Variants in SHISA9 observed in about 807,000 individuals in gnomAD.
SHISA9 encodes the protein shisa family member 9, also known as protein shisa-9.
A neutral mutation model predicts 38.0 loss-of-function variants in SHISA9; 13 were observed. The observed-to-expected ratio is 0.34, with a 90% CI of 0.22 to 0.54. The LOEUF (loss-of-function observed/expected upper bound fraction) is 0.54, where lower values mean the gene tolerates loss of function less well. Among genes scored for constraint, SHISA9 ranks in the 20% least tolerant of loss-of-function variants. The pLI is 0.91. For missense variants in SHISA9, 538 were observed against 575.8 expected, an observed-to-expected ratio of 0.93 and a Z score of 0.67; for synonymous variants, 275 against 242.0, an observed-to-expected ratio of 1.14 and a Z score of -1.27.
At chr16:12,996,295 A>G (rs1409886225) in intron 2 of SHISA9, among the ~76,000 whole-genome samples, 1 of 152,206 alleles carries the variant, frequency 6.6e-6, no homozygotes, top group Non-Finnish European at 1.5e-5. Context: ...CTTCTCTTGA[A>G]GAAAAAAAAT....
At chr16:13,519,514 T>C in the SHISA9 span, among the ~76,000 whole-genome samples, 44 of 152,232 alleles carry the variant, frequency 2.9e-4, no homozygotes, top group Admixed American at 5.2e-4. Flanking sequence ...ACCATGTCTT[T>C]ATAAATTGTA....
chr16:13,285,295 G>C, the SHISA9 span, among the ~76,000 whole-genome samples: 9 of 152,032 alleles, frequency 5.9e-5, no homozygotes, highest in Admixed American at 5.2e-4. Context: ...CATACAGTTA[G>C]ATTCATTCCA....
chr16:13,113,903 G>A (rs2074004012), intron 2 of SHISA9, among the ~76,000 whole-genome samples: 1 of 152,118 alleles, frequency 6.6e-6, no homozygotes, highest in African/African-American at 2.4e-5. Context: ...GGCTGGCAGG[G>A]GTCACTGCCT....
intron 2 of SHISA9, among the ~76,000 whole-genome samples, chr16:13,043,604 C>T (rs996047963): frequency 2.0e-5 from 3 of 152,210 alleles, no homozygotes; most frequent in African/African-American, 7.2e-5. Flanking sequence ...CATCTCTACT[C>T]CTGCGGTGGG....
At chr16:13,168,563 C>T (rs1182923711) in intron 2 of SHISA9, among the ~76,000 whole-genome samples, 1 of 152,198 alleles carries the variant, frequency 6.6e-6, no homozygotes, top group Admixed American at 6.5e-5. Flanking sequence ...AGCCTTGTCT[C>T]TCTACTACAC....
chr16:13,045,908 C>G (rs1029443356), intron 2 of SHISA9, among the ~76,000 whole-genome samples: 1 of 152,198 alleles, frequency 6.6e-6, no homozygotes, highest in African/African-American at 2.4e-5. Flanking sequence ...CCTATTAAGT[C>G]AGACCTTTTG....
chr16:13,040,601 T>C (rs1023643463), intron 2 of SHISA9, among the ~76,000 whole-genome samples: 1 of 152,236 alleles, frequency 6.6e-6, no homozygotes, highest in Non-Finnish European at 1.5e-5. Context: ...GAATGTAAAC[T>C]TCAAGAGAGC....
At chr16:13,309,413 T>G in the SHISA9 span, among the ~76,000 whole-genome samples, 1 of 151,876 alleles carries the variant, frequency 6.6e-6, no homozygotes, top group African/African-American at 2.4e-5. Context: ...GAGGCCGAGG[T>G]GGGTAGATCA....
At chr16:13,345,011 C>T in the SHISA9 span, among the ~76,000 whole-genome samples, 3 of 152,234 alleles carry the variant, frequency 2.0e-5, no homozygotes, top group African/African-American at 7.2e-5. Context: ...GAGAGGGAGG[C>T]CAACCCAGAG....
At chr16:13,021,792 A>G (rs2072857827) in intron 2 of SHISA9, among the ~76,000 whole-genome samples, 1 of 152,206 alleles carries the variant, frequency 6.6e-6, no homozygotes, top group Non-Finnish European at 1.5e-5. Flanking sequence ...CACTATTATA[A>G]TAGTCTATTT....
At chr16:13,554,516 C>CTTT in the SHISA9 span, among the ~76,000 whole-genome samples, 6 of 132,104 alleles carry the variant, frequency 4.5e-5, no homozygotes, top group African/African-American at 1.4e-4. Flanking sequence ...TCTTCTCTTT[C>CTTT]TTTTTTTTTT....
At chr16:13,042,671 G>A (rs2073145720) in intron 2 of SHISA9, among the ~76,000 whole-genome samples, 1 of 152,178 alleles carries the variant, frequency 6.6e-6, no homozygotes, top group Non-Finnish European at 1.5e-5. Flanking sequence ...TTTCAGATAA[G>A]AGTCTGAGGG....
intron 2 of SHISA9, among the ~76,000 whole-genome samples, chr16:13,031,443 G>A (rs1461522398): frequency 6.6e-6 from 1 of 152,174 alleles, no homozygotes; most frequent in Non-Finnish European, 1.5e-5. Context: ...TGGCCAGTAT[G>A]ATACAGGCAC....
chr16:13,205,984 C>G (rs567777700), intron 3 of SHISA9, among the ~76,000 whole-genome samples: 1 of 150,432 alleles, frequency 6.6e-6, no homozygotes, highest in African/African-American at 2.5e-5. Context: ...CAGCTGGTCT[C>G]GAACTCCTGA....
chr16:13,365,497 C>T, the SHISA9 span, among the ~76,000 whole-genome samples: 295 of 130,520 alleles, frequency 2.3e-3, 2 homozygotes, highest in African/African-American at 8.3e-3. Flanking sequence ...CAGTCTGTTA[C>T]CTAGGCTGTA....
chr16:13,047,942 G>A (rs2073206175), intron 2 of SHISA9, among the ~76,000 whole-genome samples: 1 of 152,166 alleles, frequency 6.6e-6, no homozygotes, highest in African/African-American at 2.4e-5. Flanking sequence ...AACAAGCACA[G>A]TTTTATACCA....
chr16:13,180,838 A>C (rs2050770951), intron 2 of SHISA9, among the ~76,000 whole-genome samples: 1 of 152,176 alleles, frequency 6.6e-6, no homozygotes, highest in South Asian at 2.1e-4. Context: ...GTCCCAGGAA[A>C]TTGATGTGGG....
At chr16:13,243,834 G>A (rs775824244), downstream of SHISA9, among the ~76,000 whole-genome samples, 8 of 144,022 alleles carry the variant, frequency 5.6e-5, no homozygotes, top group Non-Finnish European at 1.0e-4. Context: ...GTGCAGTGGC[G>A]CAATCTTAGT....
intron 2 of SHISA9, among the ~76,000 whole-genome samples, chr16:13,003,379 C>G (rs2072550404): frequency 6.6e-6 from 1 of 152,180 alleles, no homozygotes; most frequent in Non-Finnish European, 1.5e-5. Flanking sequence ...AGACTTTGTT[C>G]TACTCTCCTA....
Sources: gnomAD v4.1 joint callset for allele counts (sites outside exome capture counted in the v4.1 genomes callset) on GRCh38, gnomAD v4.1.1 for gene constraint, MANE v1.5 for transcripts, NCBI Gene and HGNC (gene_info 2026-07-23, HGNC 2026-07-21) for gene names.